Variants in PFDN1 observed in about 807,000 individuals in gnomAD.
PFDN1 encodes the protein prefoldin subunit 1.
PFDN1 carries 6 observed loss-of-function variants against 17.3 expected under a neutral mutation model. That is an observed-to-expected ratio of 0.35 (90% confidence interval 0.19 to 0.69). The LOEUF is 0.69. Ranked by LOEUF, PFDN1 falls within the 30% of genes least tolerant of loss-of-function variation. PFDN1 has a pLI of 0.65. For missense variants in PFDN1, 113 were observed against 146.2 expected, an observed-to-expected ratio of 0.77 and a Z score of 1.17; for synonymous variants, 58 against 50.1, an observed-to-expected ratio of 1.16 and a Z score of -0.67.
At chr5:140,253,116 G>A (rs866004139) in intron 3 of PFDN1, among the ~76,000 whole-genome samples, 3 of 152,212 alleles carry the variant, frequency 2.0e-5, no homozygotes, top group African/African-American at 7.2e-5. Flanking sequence ...ATCTCGGAAG[G>A]AGTTACTGTC....
intron 3 of PFDN1, among the ~76,000 whole-genome samples, chr5:140,270,515 T>C (rs1378303580): frequency 3.9e-5 from 6 of 152,156 alleles, no homozygotes; most frequent in Non-Finnish European, 7.3e-5. Flanking sequence ...CTTATCTTAA[T>C]CATAAAATGA....
chr5:140,281,544 C>A lies in PFDN1; in HGVS notation c.201-11G>T. ...GACTGAAGAATAAACCTATGAAACA[C>A]AAGAAAGTTGAAAATTAAGCCACAT... On this transcript the variant is annotated splice_polypyrimidine_tract_variant and intron_variant, in intron 2 of 3. Coordinates refer to ENST00000261813, the MANE Select transcript of PFDN1 (RefSeq NM_002622.5). 2.1e-6 allele frequency: 3 copies of A among 1,457,002 alleles called. No individual in the cohort carries two copies. The allele number at this position is 1,457,002 out of a possible 1,614,324, so 90.3% of individuals were successfully genotyped here. A position where few individuals can be genotyped will look rare whatever the true frequency, so the allele number is the denominator to read the frequency against.
At chr5:140,287,188 A>G (rs1765509921) in intron 2 of PFDN1, among the ~76,000 whole-genome samples, 1 of 152,256 alleles carries the variant, frequency 6.6e-6, no homozygotes, top group Non-Finnish European at 1.5e-5. Context: ...GGGGATAAAT[A>G]AATAAGTAAA....
chr5:140,275,340 C>G (rs535058099), intron 3 of PFDN1, among the ~76,000 whole-genome samples: 1 of 147,266 alleles, frequency 6.8e-6, no homozygotes, highest in East Asian at 2.1e-4. Context: ...ACCTGGGAGG[C>G]GGAGCCTGCA....
intron 2 of PFDN1, among the ~76,000 whole-genome samples, chr5:140,282,277 A>AT (rs925420361): frequency 1.3e-5 from 2 of 151,802 alleles, no homozygotes; most frequent in African/African-American, 4.8e-5. Context: ...GAATAAAAAT[A>AT]TATCATACGC....
intron 3 of PFDN1, among the ~76,000 whole-genome samples, chr5:140,261,988 C>T (rs934317400): frequency 2.6e-5 from 4 of 151,968 alleles, no homozygotes; most frequent in African/African-American, 9.7e-5. Flanking sequence ...CACTAAGTTA[C>T]CATAGAACTG....
rs1764952975 is a variant in PFDN1 at position 140,254,057 on chromosome 5, T to A, written c.286-8000A>T. ...CAAACTTTTTCTATAAAGGGCCAGATAATAAATATTTCAGGCTTTCACTGT... is the reference window on the plus strand; with the variant it reads ...CAAACTTTTTCTATAAAGGGCCAGAAAATAAATATTTCAGGCTTTCACTGT... On this transcript the variant is annotated intron_variant, in intron 3 of 3. Transcript: ENST00000261813. The surrounding 1 kb of genome is among the most constrained non-coding windows in gnomAD (Gnocchi z 4.4). Among the ~76,000 whole-genome samples the A allele has an allele frequency of 6.6e-6, 1 of 152,196 alleles. No individual in the cohort carries two copies. The highest frequency in any genetic ancestry group is 2.4e-5 in the African/African-American group (1 of 41,446).
chr5:140,265,776 A>C (rs1187046966), intron 3 of PFDN1: 1 of 152,208 alleles, frequency 6.6e-6, no homozygotes, highest in Non-Finnish European at 1.5e-5. Context: ...GCTGAGTAGA[A>C]ACCACACTGA....
intron 3 of PFDN1, among the ~76,000 whole-genome samples, chr5:140,276,614 T>C (rs1700557147): frequency 1.3e-5 from 2 of 151,486 alleles, no homozygotes; most frequent in Non-Finnish European, 2.9e-5. Context: ...ACCCTGTCTC[T>C]ACTAAAAATA....
Position 140,300,564 on chromosome 5 carries a change from C to A in PFDN1, c.52G>T (p.Ala18Ser). ...TTCTGTTGAGTGTCAATAACTTTGGCTTGAAGCTCTGTGAAGGCCTAATAA... is the reference window on the plus strand; with the variant it reads ...TTCTGTTGAGTGTCAATAACTTTGGATTGAAGCTCTGTGAAGGCCTAATAA... ...ELKKAFTELQ[A>S]KVIDTQQKVK... The change falls in exon 2 of 4, where the codon GCC becomes TCC. Residue 18 changes from alanine to serine, a missense_variant. Transcript: ENST00000261813. 1 of 1,609,894 alleles carries A rather than the reference C, an allele frequency of 6.2e-7. No individual in the cohort carries two copies. The highest frequency in any genetic ancestry group is 8.5e-7 in the Non-Finnish European group (1 of 1,178,024).
At chr5:140,264,920 T>C (rs1424789738) in intron 3 of PFDN1, among the ~76,000 whole-genome samples, 2 of 152,180 alleles carry the variant, frequency 1.3e-5, no homozygotes, top group African/African-American at 4.8e-5. Context: ...TGAGTATATA[T>C]AGGGAACAGT....
At chr5:140,301,646 T>A (rs1362341066) in intron 1 of PFDN1, among the ~76,000 whole-genome samples, 1 of 152,208 alleles carries the variant, frequency 6.6e-6, no homozygotes, top group Non-Finnish European at 1.5e-5. Flanking sequence ...ACAAGTTTTT[T>A]AATTAATTGG....
intron 2 of PFDN1, among the ~76,000 whole-genome samples, chr5:140,287,208 G>A (rs1269352939): frequency 6.6e-6 from 1 of 152,212 alleles, no homozygotes; most frequent in African/African-American, 2.4e-5. Flanking sequence ...ATGGACACTG[G>A]ATGGTAGGAG....
chr5:140,295,696 G>C (rs1765642637), intron 2 of PFDN1, among the ~76,000 whole-genome samples: 1 of 152,122 alleles, frequency 6.6e-6, no homozygotes, highest in Non-Finnish European at 1.5e-5. Flanking sequence ...ACAGTATATA[G>C]CAATTCATCA....
chr5:140,267,483 T>C (rs938517104), intron 3 of PFDN1, among the ~76,000 whole-genome samples: 1 of 152,238 alleles, frequency 6.6e-6, no homozygotes, highest in African/African-American at 2.4e-5. Context: ...TGTGGGTACC[T>C]GAGCCCTGTG....
intron 3 of PFDN1, among the ~76,000 whole-genome samples, chr5:140,280,595 G>A (rs1765384614): frequency 1.3e-5 from 2 of 152,156 alleles, no homozygotes; most frequent in Admixed American, 6.6e-5. Flanking sequence ...AAATCCTCAG[G>A]AGGCTACAAG....
At position 140,300,584 on chromosome 5, in the gene PFDN1, T is replaced by C; in HGVS notation, c.34-2A>G. Reference sequence around the variant, plus strand: ...TTTGGCTTGAAGCTCTGTGAAGGCCTAATAAAAACAAGTCCATGATTTAGT... The same window carrying C: ...TTTGGCTTGAAGCTCTGTGAAGGCCCAATAAAAACAAGTCCATGATTTAGT... On this transcript the variant is annotated splice_acceptor_variant, in intron 1 of 3. Transcript: ENST00000261813. LOFTEE classifies it high-confidence loss of function. The C allele has an allele frequency of 6.3e-7, 1 of 1,589,192 alleles. No individual in the cohort carries two copies. Among genetic ancestry groups the C allele is most frequent in the Non-Finnish European group, 8.6e-7 (1 of 1,167,064 alleles).
chr5:140,281,895 T>TG (rs1483032545), intron 2 of PFDN1: 1 of 168,510 alleles, frequency 5.9e-6, no homozygotes, highest in Non-Finnish European at 1.2e-5. Flanking sequence ...GCGGGGGGGT[T>TG]GCGGGAGTTG....
chr5:140,251,614 C>T (rs1764913829), intron 3 of PFDN1, among the ~76,000 whole-genome samples: 1 of 152,178 alleles, frequency 6.6e-6, no homozygotes, highest in South Asian at 2.1e-4. Context: ...CGAGCAATTT[C>T]CCTCAGAATG....
Sources: allele counts gnomAD v4.1 joint callset (sites outside exome capture counted in the v4.1 genomes callset), GRCh38; gene constraint gnomAD v4.1.1; non-coding constraint Gnocchi (gnomAD v3.1); transcripts MANE v1.5; gene names NCBI Gene and HGNC (gene_info 2026-07-23, HGNC 2026-07-21).